Variants in TEX9 observed in about 807,000 individuals in gnomAD.
The protein encoded by TEX9 is testis expressed 9, also known as testis-expressed protein 9.
TEX9 carries 74 observed loss-of-function variants against 59.6 expected under a neutral mutation model. The observed-to-expected ratio is 1.24, with a 90% confidence interval of 1.03 to 1.51. The LOEUF is 1.51. Among genes scored for constraint, TEX9 ranks in the 40% most tolerant of loss-of-function variants. The probability of loss-of-function intolerance (pLI) is 0.00; values close to 1 mark genes in which losing one functional copy is unlikely to be tolerated. For missense variants in TEX9, 522 were observed against 447.8 expected, an observed-to-expected ratio of 1.17 and a Z score of -1.49; for synonymous variants, 186 against 152.2, an observed-to-expected ratio of 1.22 and a Z score of -1.64.
At chr15:56,400,118 G>A (rs2048695090) in intron 9 of TEX9, among the ~76,000 whole-genome samples, 1 of 152,214 alleles carries the variant, frequency 6.6e-6, no homozygotes, top group African/African-American at 2.4e-5. Context: ...ACAGAACAAA[G>A]CTGCATGGAG....
chr15:56,364,190 G>C (rs117415378), upstream of TEX9, among the ~76,000 whole-genome samples: 1,151 of 150,180 alleles, frequency 7.7e-3, 8 homozygotes, highest in Non-Finnish European at 0.013. Context: ...TTTCGCTCTT[G>C]TTGACCAGGT....
chr15:56,444,148 C>CA (rs1219214296), intron 12 of TEX9, among the ~76,000 whole-genome samples: 1 of 151,830 alleles, frequency 6.6e-6, no homozygotes, highest in Admixed American at 6.6e-5. Flanking sequence ...AGCTGTCTAC[C>CA]AAAAAAATTT....
At chr15:56,390,695 T>C (rs1216381661) in intron 6 of TEX9, among the ~76,000 whole-genome samples, 1 of 152,074 alleles carries the variant, frequency 6.6e-6, no homozygotes, top group African/African-American at 2.4e-5. Flanking sequence ...GTTAAGAATG[T>C]GTTTCTTTGG....
intron 1 of TEX9, among the ~76,000 whole-genome samples, chr15:56,296,994 A>G (rs1474862190): frequency 1.3e-5 from 2 of 152,120 alleles, no homozygotes; most frequent in African/African-American, 4.8e-5. Flanking sequence ...AGAATTTTTG[A>G]TCCCTATTGG....
intron 1 of TEX9, among the ~76,000 whole-genome samples, chr15:56,264,387 A>G (rs1217508798): frequency 6.6e-6 from 1 of 152,196 alleles, no homozygotes; most frequent in Non-Finnish European, 1.5e-5. Flanking sequence ...ATTTTCATAC[A>G]GTATCTGCTC....
At chr15:56,345,066 CATATATATAT>C (rs2046444245) in intron 1 of TEX9, among the ~76,000 whole-genome samples, 1 of 135,038 alleles carries the variant, frequency 7.4e-6, no homozygotes, top group Non-Finnish European at 1.6e-5. Context: ...TACACACACA[CATATATATAT>C]GTATATATAT....
intron 1 of TEX9, among the ~76,000 whole-genome samples, chr15:56,275,507 C>A (rs2044646908): frequency 6.6e-6 from 1 of 152,164 alleles, no homozygotes; most frequent in Non-Finnish European, 1.5e-5. Context: ...GGATTTTATA[C>A]TCTTATTTTA....
chr15:56,271,436 A>G (rs1383174746), intron 1 of TEX9, among the ~76,000 whole-genome samples: 5 of 152,102 alleles, frequency 3.3e-5, no homozygotes, highest in African/African-American at 1.2e-4. Flanking sequence ...TCGGCTACTG[A>G]AGCTTGTGCA....
At chr15:56,267,537 T>A (rs1054828618) in intron 1 of TEX9, among the ~76,000 whole-genome samples, 3 of 152,228 alleles carry the variant, frequency 2.0e-5, no homozygotes, top group Non-Finnish European at 4.4e-5. Flanking sequence ...GTTTCAGCTT[T>A]CTGCATATGG....
At chr15:56,415,468 C>A (rs2049628327) in intron 10 of TEX9, among the ~76,000 whole-genome samples, 1 of 151,896 alleles carries the variant, frequency 6.6e-6, no homozygotes, top group Non-Finnish European at 1.5e-5. Flanking sequence ...AGCCAGTTAT[C>A]CCAGCACCAT....
intron 1 of TEX9, among the ~76,000 whole-genome samples, chr15:56,359,024 A>G (rs2046742540): frequency 6.6e-6 from 1 of 152,112 alleles, no homozygotes; most frequent in African/African-American, 2.4e-5. Context: ...AGTCTCAGGT[A>G]TTTTTTATAG....
the TEX9 span, among the ~76,000 whole-genome samples, chr15:56,460,009 A>AAAAAAAATATATATATATATAT: frequency 3.8e-5 from 1 of 26,386 alleles, no homozygotes; most frequent in Non-Finnish European, 7.0e-5. Context: ...AAAAAAAAAA[A>AAAAAAAATATATATATATATAT]ATACATATAT....
intron 1 of TEX9, among the ~76,000 whole-genome samples, chr15:56,347,670 A>G (rs1450941069): frequency 1.3e-5 from 2 of 152,156 alleles, no homozygotes; most frequent in African/African-American, 4.8e-5. Context: ...TATAGAAAAA[A>G]CACAGGTGAG....
In TEX9 at chr15:56,420,312, T is replaced by C. The variant is rs375246858; in HGVS notation, c.964-7293T>C. Among the ~76,000 whole-genome samples the C allele has an allele frequency of 9.2e-4, 140 of 151,394 alleles. 4 individuals are homozygous for C. The South Asian group carries it at 0.028, about 30-fold the overall frequency. On this transcript the variant is annotated intron_variant, in intron 10 of 12. Transcript: ENST00000352903. ...ATTTGTTCTTTTTCTCTTTTCTCTT[T>C]TTTTTTTCTCCCCTAGACAGAGTCT...
At chr15:56,376,585 C>G (rs2047464388) in intron 3 of TEX9, among the ~76,000 whole-genome samples, 1 of 152,032 alleles carries the variant, frequency 6.6e-6, no homozygotes, top group African/African-American at 2.4e-5. Context: ...ATCTTTTGCT[C>G]ATTTTTAAAT....
intron 7 of TEX9, 139 bp from the exon 8 acceptor site, chr15:56,394,026 A>G (rs1699247436): frequency 1.2e-5 from 8 of 642,496 alleles, no homozygotes; most frequent in South Asian, 7.9e-5. Context: ...TTGAGTACCT[A>G]TAGTGCCCCC....
intron 1 of TEX9, among the ~76,000 whole-genome samples, chr15:56,306,257 C>CAAAAAAAAAAAAAAAAAAAAAA (rs55882329): frequency 6.3e-5 from 5 of 79,452 alleles, no homozygotes; most frequent in African/African-American, 1.0e-4. Context: ...AGGTACATAG[C>CAAAAAAAAAAAAAAAAAAAAAA]AAAAAAAAAA....
At chr15:56,254,074 A>G (rs970237058) in intron 1 of TEX9, among the ~76,000 whole-genome samples, 4 of 152,162 alleles carry the variant, frequency 2.6e-5, no homozygotes, top group African/African-American at 9.7e-5. Flanking sequence ...GTAAATCAAG[A>G]TGCCAGCCTG....
intron 1 of TEX9, chr15:56,248,774 A>G (rs1408875921): frequency 6.6e-6 from 1 of 152,256 alleles, no homozygotes; most frequent in Non-Finnish European, 1.5e-5. Context: ...ACAGAAGCAG[A>G]TAAAGAAAAA....
Sources: allele counts gnomAD v4.1 joint callset (sites outside exome capture counted in the v4.1 genomes callset), GRCh38; gene constraint gnomAD v4.1.1; transcripts MANE v1.5; gene names NCBI Gene and HGNC (gene_info 2026-07-23, HGNC 2026-07-21).